LIMCH1: variants seen among roughly 807,000 people sequenced by gnomAD.
LIMCH1 encodes LIM and calponin homology domains-containing protein 1.
LIMCH1 carries 113 observed loss-of-function variants against 176.5 expected under a neutral mutation model. That is an observed-to-expected ratio of 0.64 (90% CI 0.55 to 0.75). The LOEUF (loss-of-function observed/expected upper bound fraction) is 0.75. Among genes scored for constraint, LIMCH1 ranks in the 30% least tolerant of loss-of-function variants. LIMCH1 has a pLI of 0.00. For missense variants in LIMCH1, 1,674 were observed against 1,814.9 expected, an observed-to-expected ratio of 0.92 and a Z score of 1.41; for synonymous variants, 619 against 645.9, an observed-to-expected ratio of 0.96 and a Z score of 0.63.
chr4:41,399,685 C>CTTTTTTTTTTT (rs56174007), intron 1 of LIMCH1, among the ~76,000 whole-genome samples: 7,127 of 95,566 alleles, frequency 0.075, 1,152 homozygotes, highest in African/African-American at 0.14. Flanking sequence ...GGTGGATACT[C>CTTTTTTTTTTT]TTTTTTTTTT....
chr4:41,602,731 C>G (rs1310363461), intron 2 of LIMCH1, among the ~76,000 whole-genome samples: 5 of 151,826 alleles, frequency 3.3e-5, no homozygotes, highest in African/African-American at 1.2e-4. Context: ...TCGCTTGAAC[C>G]TAGGAGGTGT....
chr4:41,451,203 C>T (rs1001378068), intron 1 of LIMCH1, among the ~76,000 whole-genome samples: 9 of 152,172 alleles, frequency 5.9e-5, no homozygotes, highest in Admixed American at 4.6e-4. Context: ...GCAACCTCCG[C>T]CTCCCGGGTT....
At chr4:41,623,089 G>A (rs190318258) in intron 7 of LIMCH1, among the ~76,000 whole-genome samples, 139 of 152,328 alleles carry the variant, frequency 9.1e-4, no homozygotes, top group African/African-American at 3.3e-3. Context: ...AGAGTTGAGA[G>A]TCATTCTAAG....
chr4:41,380,399 G>C (rs1426639051), intron 1 of LIMCH1, among the ~76,000 whole-genome samples: 3 of 151,858 alleles, frequency 2.0e-5, no homozygotes, highest in African/African-American at 4.8e-5. Context: ...ATCCTGCCCT[G>C]GCCTCCCAAA....
intron 1 of LIMCH1, among the ~76,000 whole-genome samples, chr4:41,404,267 G>A (rs2058743275): frequency 6.6e-6 from 1 of 151,980 alleles, no homozygotes; most frequent in African/African-American, 2.4e-5. Flanking sequence ...CATGATTCAT[G>A]GGCCAAAGCA....
At chr4:41,413,053 A>G (rs1396993703) in intron 1 of LIMCH1, among the ~76,000 whole-genome samples, 1 of 152,110 alleles carries the variant, frequency 6.6e-6, no homozygotes, top group Non-Finnish European at 1.5e-5. Flanking sequence ...GTGCATGACA[A>G]TATCTGGAAC....
chr4:41,391,950 T>A (rs560728378), intron 1 of LIMCH1, among the ~76,000 whole-genome samples: 1 of 152,160 alleles, frequency 6.6e-6, no homozygotes, highest in African/African-American at 2.4e-5. Context: ...AAAGAACATA[T>A]GAGAACTCTC....
At chr4:41,542,360 C>CT (rs1233054141) in intron 1 of LIMCH1, among the ~76,000 whole-genome samples, 3 of 121,416 alleles carry the variant, frequency 2.5e-5, no homozygotes, top group African/African-American at 1.3e-4. Context: ...CTCTTTCTTT[C>CT]TTTTCTTTTT....
intron 2 of LIMCH1, among the ~76,000 whole-genome samples, chr4:41,603,515 C>T (rs755096909): frequency 5.3e-5 from 8 of 152,154 alleles, no homozygotes; most frequent in African/African-American, 9.6e-5. Context: ...GAAGTGCAGT[C>T]GGATTTCAGT....
At chr4:41,501,918 C>T (rs1391261161) in intron 2 of LIMCH1, among the ~76,000 whole-genome samples, 3 of 127,808 alleles carry the variant, frequency 2.3e-5, no homozygotes, top group Non-Finnish European at 4.7e-5. Context: ...TTTTAAGTTC[C>T]AGGGTACGTG....
intron 1 of LIMCH1, among the ~76,000 whole-genome samples, chr4:41,459,820 A>G (rs1450331731): frequency 6.6e-6 from 1 of 152,182 alleles, no homozygotes; most frequent in African/African-American, 2.4e-5. Context: ...ACCATGACGA[A>G]GCTTGCAGTA....
intron 1 of LIMCH1, among the ~76,000 whole-genome samples, chr4:41,478,544 A>T (rs754457274): frequency 7.5e-4 from 114 of 152,356 alleles, no homozygotes; most frequent in Non-Finnish European, 1.4e-3. Context: ...AATTGGTGAC[A>T]TACAACAGTT....
At chr4:41,648,956 A>G (rs1454822947) in intron 17 of LIMCH1, among the ~76,000 whole-genome samples, 2 of 149,834 alleles carry the variant, frequency 1.3e-5, no homozygotes, top group East Asian at 4.0e-4. Flanking sequence ...CTTCTGTTTC[A>G]GTTATATTTA....
At chr4:41,633,229 C>T (rs1350641530) in intron 12 of LIMCH1, 144 bp downstream of exon 12, 9 of 667,612 alleles carry the variant, frequency 1.3e-5, no homozygotes, top group South Asian at 7.7e-5. Context: ...AGAGTGTGCT[C>T]ATCCCAAGAT....
intron 14 of LIMCH1, among the ~76,000 whole-genome samples, chr4:41,643,955 C>G (rs1215632740): frequency 6.6e-6 from 1 of 152,136 alleles, no homozygotes; most frequent in Non-Finnish European, 1.5e-5. Context: ...AAGTGAGTGT[C>G]TTAAACTTAA....
At chr4:41,623,830 A>G (rs2092758035) in intron 7 of LIMCH1, among the ~76,000 whole-genome samples, 1 of 152,250 alleles carries the variant, frequency 6.6e-6, no homozygotes, top group Admixed American at 6.5e-5. Context: ...TCAAAAACCT[A>G]GAAGTTTCAA....
chr4:41,607,053 C>T (rs962180171), intron 4 of LIMCH1, among the ~76,000 whole-genome samples: 3 of 152,298 alleles, frequency 2.0e-5, no homozygotes, highest in African/African-American at 7.2e-5. Context: ...CCCACCTTGG[C>T]CTCCCAAAGT....
At chr4:41,596,750 T>C (rs2088904897) in intron 1 of LIMCH1, among the ~76,000 whole-genome samples, 1 of 152,178 alleles carries the variant, frequency 6.6e-6, no homozygotes, top group South Asian at 2.1e-4. Flanking sequence ...TTTGATAATT[T>C]AAAAATGTGG....
At chr4:41,362,339 C>G (rs2052237249) in intron 1 of LIMCH1, among the ~76,000 whole-genome samples, 2 of 152,206 alleles carry the variant, frequency 1.3e-5, no homozygotes, top group Admixed American at 1.3e-4. Context: ...AAGACCTTGG[C>G]TTTTTATTTT....
Sources: gnomAD v4.1 joint callset for allele counts (sites outside exome capture counted in the v4.1 genomes callset) on GRCh38, gnomAD v4.1.1 for gene constraint, MANE v1.5 for transcripts, NCBI Gene and HGNC (gene_info 2026-07-23, HGNC 2026-07-21) for gene names.